Variants in PROM1 observed in about 807,000 individuals in gnomAD.
The protein encoded by PROM1 is prominin-1.
A neutral mutation model predicts 116.9 loss-of-function variants in PROM1; 105 were observed. The observed-to-expected ratio is 0.90, with a 90% CI of 0.77 to 1.06. The LOEUF (loss-of-function observed/expected upper bound fraction) is 1.06, where lower values mean the gene tolerates loss of function less well. Ranked by LOEUF, PROM1 falls within the 50% of genes least tolerant of loss-of-function variation. PROM1 has a pLI of 0.00. For synonymous variants in PROM1, 393 were observed against 387.0 expected (o/e 1.02, Z -0.18); for missense variants, 1,122 against 1,045.2 (o/e 1.07, Z -1.01).
chr4:16,030,013 A>G (rs1732273533), intron 5 of PROM1, among the ~76,000 whole-genome samples: 1 of 152,010 alleles, frequency 6.6e-6, no homozygotes, highest in Non-Finnish European at 1.5e-5. Context: ...GATTTTGTTG[A>G]CATTCTTTCT....
At chr4:16,050,998 G>A (rs1210197752) in intron 2 of PROM1, among the ~76,000 whole-genome samples, 1 of 152,218 alleles carries the variant, frequency 6.6e-6, no homozygotes, top group African/African-American at 2.4e-5. Context: ...AAATAAAGTA[G>A]GTGTGCTGTG....
At chr4:16,068,776 C>T (rs1274848488) in intron 2 of PROM1, among the ~76,000 whole-genome samples, 1 of 152,162 alleles carries the variant, frequency 6.6e-6, no homozygotes, top group African/African-American at 2.4e-5. Flanking sequence ...ACTATAACAT[C>T]CTGATGGCCT....
intron 10 of PROM1, among the ~76,000 whole-genome samples, chr4:16,015,615 G>A (rs936742511): frequency 4.6e-5 from 7 of 151,894 alleles, no homozygotes; most frequent in East Asian, 1.9e-4. Flanking sequence ...GCTTGAACTC[G>A]GGAGGCAGAG....
intron 20 of PROM1, 40 bp from the exon 21 acceptor site, chr4:15,986,077 A>G (rs1719336009): frequency 1.4e-6 from 2 of 1,417,264 alleles, no homozygotes; most frequent in Admixed American, 2.0e-5. Context: ...ATCAAGTCAT[A>G]GAAAGTTTTA....
At position 16,004,827 on chromosome 4, in the gene PROM1, CTTT is replaced by C. The variant is rs1553903936; in HGVS notation, c.1454+1708_1454+1710del. Among the ~76,000 whole-genome samples, 1,045 of 123,770 alleles carry C rather than the reference CTTT, an allele frequency of 8.4e-3. 17 individuals carry two copies. The highest frequency in any genetic ancestry group is 0.017 in the South Asian group (67 of 3,868). 81.2% of individuals were successfully genotyped at this position (123,770 alleles called of 152,430 possible). ...CTAATCTTTCTTTCTTTCTTTCTTTCTTTTTCTTCCTTCCTTCCTTCCTTCCTT... is the reference window on the plus strand; with the variant it reads ...CTAATCTTTCTTTCTTTCTTTCTTTCTTCTTCCTTCCTTCCTTCCTTCCTT... On this transcript the variant is annotated intron_variant, in intron 13 of 27. Transcript: ENST00000447510.
At chr4:15,979,059 T>C (rs1717015410) in intron 26 of PROM1, among the ~76,000 whole-genome samples, 1 of 151,872 alleles carries the variant, frequency 6.6e-6, no homozygotes, top group East Asian at 1.9e-4. Context: ...AGGAAAAGCT[T>C]TGAAAACTGT....
intron 2 of PROM1, among the ~76,000 whole-genome samples, chr4:16,044,110 G>C (rs190107632): frequency 3.4e-4 from 52 of 152,276 alleles, no homozygotes; most frequent in African/African-American, 1.2e-3. Flanking sequence ...TCTGAGCCAC[G>C]GAAGTAAGCT....
At chr4:16,053,897 C>T (rs1347240083) in intron 2 of PROM1, among the ~76,000 whole-genome samples, 2 of 152,120 alleles carry the variant, frequency 1.3e-5, no homozygotes, top group East Asian at 3.9e-4. Flanking sequence ...GAGATCAAGA[C>T]CAGTGTGGCC....
chr4:15,972,418 C>T (rs1290242125), intron 26 of PROM1, among the ~76,000 whole-genome samples: 2 of 152,166 alleles, frequency 1.3e-5, no homozygotes, highest in African/African-American at 4.8e-5. Flanking sequence ...CAAATGAGTG[C>T]AAGAGACAGA....
Position 15,991,282 on chromosome 4 carries a change from G to A in PROM1, c.1923C>T (p.Ser641=), listed in dbSNP as rs891487392. The A allele has an allele frequency of 6.2e-7, 1 of 1,600,860 alleles. No homozygotes were observed. Among genetic ancestry groups the A allele is most frequent in the Non-Finnish European group, 8.5e-7 (1 of 1,175,352 alleles). ...YDSYLAQTGK[S]PAGVNLLSFA... ...ATGATAAAAGATTCACTCCTGCGGG[G>A]GATTTACCAGTCTACAATAGAAGTG... Residue 641 remains serine, a synonymous_variant, in exon 18 of 28, where the codon TCC becomes TCT. Coordinates refer to ENST00000447510, the MANE Select transcript of PROM1 (RefSeq NM_006017.3).
intron 8 of PROM1, among the ~76,000 whole-genome samples, chr4:16,022,335 A>G (rs1315278876): frequency 6.6e-6 from 1 of 152,214 alleles, no homozygotes; most frequent in East Asian, 1.9e-4. Context: ...AGCCATCAAC[A>G]ACAGAGGATG....
chr4:16,009,012 A>T lies in PROM1; in HGVS notation c.1238T>A (p.Val413Asp), dbSNP rs563415711. 3.1e-6 allele frequency: 5 copies of T among 1,595,042 alleles called. No homozygotes were observed. The East Asian group carries it at 1.1e-4, about 36-fold the overall frequency. ...QDILSAFSVY[V>D]NNTESYIHRN... The stretch of plus-strand genomic sequence containing the variant: ...GTGGATGTAACTTTCAGTGTTATTA[A>T]CATAAACAGAGAATGCTGAGAGTAT... The change falls in exon 12 of 28, where the codon GTT (valine) becomes GAT (aspartate). Residue 413 changes from valine (V) to aspartate (D), a missense_variant. Val to Asp is a radical substitution (Grantham distance 152, BLOSUM62 -3). Coordinates refer to ENST00000447510, the MANE Select transcript of PROM1 (RefSeq NM_006017.3).
intron 15 of PROM1, among the ~76,000 whole-genome samples, chr4:15,997,608 T>C (rs994753490): frequency 4.6e-5 from 7 of 152,068 alleles, no homozygotes; most frequent in African/African-American, 1.7e-4. Context: ...TACAGGCACA[T>C]GCCACCATGA....
Position 16,041,153 on chromosome 4 carries a change from G to A in PROM1, c.221-2152C>T, listed in dbSNP as rs115194935. 7.4e-3 allele frequency among the ~76,000 whole-genome samples: 1,131 copies of A among 152,230 alleles called. 10 individuals carry two copies. The highest frequency in any genetic ancestry group is 0.025 in the African/African-American group (1,049 of 41,536). On this transcript the variant is annotated intron_variant, in intron 2 of 27. Coordinates refer to ENST00000447510, the MANE Select transcript of PROM1 (RefSeq NM_006017.3). ...TTTGTTGTGTTGACATTTGCACTAG[G>A]GTGCAAAGGCGGTGGTAGATAAGAA... is the stretch of plus-strand genomic sequence containing the variant.
At chr4:16,000,451 G>A in intron 14 of PROM1, 45 bp downstream of exon 14, 1 of 1,484,118 alleles carries the variant, frequency 6.7e-7, no homozygotes, top group Non-Finnish European at 9.2e-7. Flanking sequence ...AGAAATCCAA[G>A]TTTCTGTTCA....
rs555522504 is a variant in PROM1, at chr4:15,991,809, G to A, written c.1911+439C>T. 2.0e-3 allele frequency among the ~76,000 whole-genome samples: 309 copies of A among 151,858 alleles called. 3 individuals are homozygous for A. The highest frequency in any genetic ancestry group is 7.1e-3 in the African/African-American group (296 of 41,406). ...AAGTTAGCTGGGCGTGGTGGCAGGC[G>A]CCTGTAGTCCCAGCCACTCGGGAGG... On this transcript the variant is annotated intron_variant, in intron 17 of 27. Transcript: ENST00000447510.
chr4:15,989,806 T>G lies in PROM1; in HGVS notation c.2002A>C (p.Asn668His), dbSNP rs763990524. 1 of 1,605,422 alleles carries G rather than the reference T, an allele frequency of 6.2e-7. No homozygotes were observed. The highest frequency in any genetic ancestry group is 8.5e-7 in the Non-Finnish European group (1 of 1,175,082). ...GTTTGTGCATCTCTTTTCAGGGAGT[T>G]CCTCAAATTTCCTGGGGGCTACAAA... ...ANSLPPGNLR[N>H]SLKRDAQTIK... Residue 668 changes from asparagine (N) to histidine (H), a missense_variant, in exon 19 of 28, where the codon AAC becomes CAC. Asn to His is a moderately conservative substitution (Grantham distance 68). Transcript: ENST00000447510.
intron 18 of PROM1, among the ~76,000 whole-genome samples, chr4:15,990,136 C>T (rs983200219): frequency 2.0e-5 from 3 of 152,158 alleles, no homozygotes; most frequent in African/African-American, 7.2e-5. Flanking sequence ...ACCAAGGACC[C>T]ATAGAGAAAT....
chr4:15,982,885 C>T (rs1250116659), intron 23 of PROM1, among the ~76,000 whole-genome samples: 1 of 152,178 alleles, frequency 6.6e-6, no homozygotes, highest in African/African-American at 2.4e-5. Flanking sequence ...TTCACTCAGG[C>T]ATGAAAGACC....
Sources: allele counts gnomAD v4.1 joint callset (sites outside exome capture counted in the v4.1 genomes callset), GRCh38; gene constraint gnomAD v4.1.1; transcripts MANE v1.5; gene names NCBI Gene and HGNC (gene_info 2026-07-23, HGNC 2026-07-21).